The following EPM2AIP1 variants were observed in gnomAD, a reference collection of about 807,000 sequenced individuals.
The protein encoded by EPM2AIP1 is EPM2A-interacting protein 1.
Under a neutral mutation model 44.8 loss-of-function variants are expected in EPM2AIP1, and 23 were observed. The observed-to-expected ratio is 0.51, with a 90% CI of 0.37 to 0.73. EPM2AIP1 has a LOEUF of 0.73. Among genes scored for constraint, EPM2AIP1 ranks in the 30% least tolerant of loss-of-function variants. The pLI is 0.00. For synonymous variants in EPM2AIP1, 311 were observed against 284.3 expected (o/e 1.09, Z -0.94); for missense variants, 652 against 743.9 (o/e 0.88, Z 1.44).
rs150581233 is a variant in EPM2AIP1 at position 36,989,133 on chromosome 3, C to T, written c.*2121G>A. ...AATTTTATTAACACCTTAAGCAAAA[C>T]ATACTGGAATTTCACAAAATGTACA... On this transcript the variant is annotated 3_prime_UTR_variant, in exon 1 of 1. Transcript: ENST00000322716. 6 of 151,904 alleles carry T rather than the reference C, an allele frequency of 3.9e-5. No homozygotes were observed. In the East Asian group the frequency reaches 9.7e-4, roughly 24 times the overall value. The allele number at this position is 151,904 out of a possible 1,614,324, so 9.4% of individuals were successfully genotyped here.
chr3:36,990,817 GC>G lies in EPM2AIP1; in HGVS notation c.*436del. ...TTCCTTTTTGGAAACTTATGAACTT[GC>G]TATGTGAGCTTCTGCAAATTGGTTC... On this transcript the variant is annotated 3_prime_UTR_variant, in exon 1 of 1. Coordinates refer to ENST00000322716, the MANE Select transcript of EPM2AIP1 (RefSeq NM_014805.4). 2.0e-6 allele frequency: 2 copies of G among 986,146 alleles called. No individual in the cohort carries two copies. Among genetic ancestry groups the G allele is most frequent in the Non-Finnish European group, 2.4e-6 (2 of 830,394 alleles). 61.1% of individuals were successfully genotyped at this position (986,146 alleles called of 1,614,324 possible). A position where few individuals can be genotyped will look rare whatever the true frequency, so the allele number is the denominator to read the frequency against.
Position 36,992,180 on chromosome 3 carries a change from T to C in EPM2AIP1, c.898A>G (p.Thr300Ala). The C allele has an allele frequency of 6.2e-7, 1 of 1,613,984 alleles. No individual in the cohort carries two copies. The highest frequency in any genetic ancestry group is 8.5e-7 in the Non-Finnish European group (1 of 1,179,852). The change falls in exon 1 of 1, where the codon ACC (threonine) becomes GCC (alanine). Residue 300 changes from threonine (T) to alanine (A), a missense_variant. Coordinates refer to ENST00000322716, the MANE Select transcript of EPM2AIP1 (RefSeq NM_014805.4). The surrounding 1 kb of genome is among the most constrained non-coding windows in gnomAD (Gnocchi z 5.3). ...YDVDVNQIIN[T>A]ISEWIVLIKT... ...ATCAAAACTATCCATTCGGATATGGTATTTATGATCTGATTAACATCTACA... is the reference window on the plus strand; with the variant it reads ...ATCAAAACTATCCATTCGGATATGGCATTTATGATCTGATTAACATCTACA...
rs1228597204 is a variant in EPM2AIP1, at chr3:36,991,718, T to C, written c.1360A>G (p.Ile454Val). Residue 454 changes from isoleucine to valine, a missense_variant, in exon 1 of 1, where the codon ATA (isoleucine) becomes GTA (valine). Transcript: ENST00000322716. ...LKQQNKEDEKIFDPDRYQMVI... is the reference protein window; with the variant it reads ...LKQQNKEDEKVFDPDRYQMVI... The stretch of plus-strand genomic sequence containing the variant: ...ATTTGATACCTATCAGGATCAAATA[T>C]TTTTTCATCTTCCTTATTTTGCTGT... The C allele has an allele frequency of 1.9e-6, 3 of 1,613,564 alleles. No individual in the cohort carries two copies. In the Admixed American group the frequency reaches 5.0e-5, roughly 27 times the overall value.
chr3:36,988,987 C>CTTTTTT lies in EPM2AIP1; in HGVS notation c.*2261_*2266dup, dbSNP rs71091694. 32 of 114,994 alleles carry CTTTTTT rather than the reference C, an allele frequency of 2.8e-4. No homozygotes were observed. The highest frequency in any genetic ancestry group is 1.3e-3 in the East Asian group (5 of 3,828). 7.1% of individuals were successfully genotyped at this position (114,994 alleles called of 1,614,324 possible). ...CAGTAAAATACACTTTTTTCTTTTT[C>CTTTTTT]TTTTTTTTTTTTTTTTTTTACAAAC... On this transcript the variant is annotated 3_prime_UTR_variant, in exon 1 of 1. Transcript: ENST00000322716.
rs1037909345 is a variant in EPM2AIP1, at chr3:36,987,363, T to C, written c.*3891A>G. 3.8e-4 allele frequency: 57 copies of C among 151,976 alleles called. No individual in the cohort carries two copies. The highest frequency in any genetic ancestry group is 1.2e-3 in the African/African-American group (48 of 41,350). The allele number at this position is 151,976 out of a possible 1,614,324, so 9.4% of individuals were successfully genotyped here. On this transcript the variant is annotated 3_prime_UTR_variant, in exon 1 of 1. Coordinates refer to ENST00000322716, the MANE Select transcript of EPM2AIP1 (RefSeq NM_014805.4). ...CTAAATGTAACATTTAGTAAAAACATATTGTTTTAGTTCACTAAGTAGTTG... is the reference window on the plus strand; with the variant it reads ...CTAAATGTAACATTTAGTAAAAACACATTGTTTTAGTTCACTAAGTAGTTG...
rs745511001 is a variant in EPM2AIP1, at chr3:36,990,422, G to A, written c.*832C>T. ...CTTTTTTCCTCATCGTTTTTGATAGGGCCAAACTTGTGTCTACAGTAAAAA... is the reference window on the plus strand; with the variant it reads ...CTTTTTTCCTCATCGTTTTTGATAGAGCCAAACTTGTGTCTACAGTAAAAA... On this transcript the variant is annotated 3_prime_UTR_variant, in exon 1 of 1. Coordinates refer to ENST00000322716, the MANE Select transcript of EPM2AIP1 (RefSeq NM_014805.4). 2 of 982,712 alleles carry A rather than the reference G, an allele frequency of 2.0e-6. No homozygotes were observed. Among genetic ancestry groups the A allele is most frequent in the Non-Finnish European group, 2.4e-6 (2 of 829,184 alleles). The allele number at this position is 982,712 out of a possible 1,614,324, so 60.9% of individuals were successfully genotyped here.
At position 36,993,093 on chromosome 3, in the gene EPM2AIP1, A is replaced by G. The variant is rs765275127; in HGVS notation, c.-16T>C. 3.0e-5 allele frequency: 47 copies of G among 1,590,460 alleles called. No homozygotes were observed. The highest frequency in any genetic ancestry group is 1.0e-4 in the Admixed American group (6 of 57,974). Reference sequence around the variant, plus strand: ...TCATCCACATTCTGCGGGAGGCCACAAGAGCAGGGCCAACGTTAGAAAGGC... The same window carrying G: ...TCATCCACATTCTGCGGGAGGCCACGAGAGCAGGGCCAACGTTAGAAAGGC... On this transcript the variant is annotated 5_prime_UTR_variant, in exon 1 of 1. Coordinates refer to ENST00000322716, the MANE Select transcript of EPM2AIP1 (RefSeq NM_014805.4).
Position 36,986,210 on chromosome 3 carries a change from C to A in EPM2AIP1, c.*5044G>T, listed in dbSNP as rs2080768388. ...AGGTGAAACTGCCCCTTGAGATAAC[C>A]TGAAAGGCAGATCATCTACCCTTTA... On this transcript the variant is annotated 3_prime_UTR_variant, in exon 1 of 1. Transcript: ENST00000322716. The A allele has an allele frequency of 6.6e-6, 1 of 152,114 alleles. No homozygotes were observed. 9.4% of individuals were successfully genotyped at this position (152,114 alleles called of 1,614,324 possible). A position where few individuals can be genotyped will look rare whatever the true frequency, so the allele number is the denominator to read the frequency against.
Position 36,992,823 on chromosome 3 carries a change from G to T in EPM2AIP1, c.255C>A (p.Asp85Glu). 1 of 1,612,134 alleles carries T rather than the reference G, an allele frequency of 6.2e-7. No individual in the cohort carries two copies. Among genetic ancestry groups the T allele is most frequent in the East Asian group, 2.2e-5 (1 of 44,878 alleles). Residue 85 changes from aspartate (D) to glutamate (E), a missense_variant, in exon 1 of 1, where the codon GAC becomes GAA. Coordinates refer to ENST00000322716, the MANE Select transcript of EPM2AIP1 (RefSeq NM_014805.4). This position sits in a 1 kb window ranked among gnomAD's most constrained non-coding sequence, Gnocchi z 5.3. ...CAGGAGTGAAGGAGGCCACGGGCAA[G>T]TCGCCCTGACGCAGACGCTCCACCA... ...AALVERLRQG[D>E]LPVASFTPEE... is the part of the protein sequence containing the mutation.
Position 36,988,972 on chromosome 3 carries a change from C to T in EPM2AIP1, c.*2282G>A, listed in dbSNP as rs1434448719. The T allele has an allele frequency of 1.4e-5, 2 of 142,266 alleles. No homozygotes were observed. Among genetic ancestry groups the T allele is most frequent in the East Asian group, 2.0e-4 (1 of 4,942 alleles). 8.8% of individuals were successfully genotyped at this position (142,266 alleles called of 1,614,324 possible). A position where few individuals can be genotyped will look rare whatever the true frequency, so the allele number is the denominator to read the frequency against. On this transcript the variant is annotated 3_prime_UTR_variant, in exon 1 of 1. Transcript: ENST00000322716. ...ACTTAATACAGAAAACAGTAAAATACACTTTTTTCTTTTTCTTTTTTTTTT... is the reference window on the plus strand; with the variant it reads ...ACTTAATACAGAAAACAGTAAAATATACTTTTTTCTTTTTCTTTTTTTTTT...
rs1025909600 is a variant in EPM2AIP1 at position 36,987,151 on chromosome 3, T to C, written c.*4103A>G. The C allele has an allele frequency of 6.6e-6, 1 of 152,556 alleles. No homozygotes were observed. The highest frequency in any genetic ancestry group is 1.5e-5 in the Non-Finnish European group (1 of 68,030). The allele number at this position is 152,556 out of a possible 1,614,324, so 9.5% of individuals were successfully genotyped here. ...TGTAAAAACAAGTGAACTGAATATATAGTGACCAGAAGGGCTGAGTCAGTC... is the reference window on the plus strand; with the variant it reads ...TGTAAAAACAAGTGAACTGAATATACAGTGACCAGAAGGGCTGAGTCAGTC... On this transcript the variant is annotated 3_prime_UTR_variant, in exon 1 of 1. Coordinates refer to ENST00000322716, the MANE Select transcript of EPM2AIP1 (RefSeq NM_014805.4).
At position 36,989,246 on chromosome 3, in the gene EPM2AIP1, G is replaced by A. The variant is rs928901258; in HGVS notation, c.*2008C>T. On this transcript the variant is annotated 3_prime_UTR_variant, in exon 1 of 1. Transcript: ENST00000322716. The stretch of plus-strand genomic sequence containing the variant: ...TTCTCTCAAGTAATAAAGCTCTGCT[G>A]TGAATATTCAAAGCTATTGGGAAAT... The A allele has an allele frequency of 1.3e-5, 2 of 151,020 alleles. No individual in the cohort carries two copies. Among genetic ancestry groups the A allele is most frequent in the Admixed American group, 6.6e-5 (1 of 15,180 alleles). The allele number at this position is 151,020 out of a possible 1,614,324, so 9.4% of individuals were successfully genotyped here. A position where few individuals can be genotyped will look rare whatever the true frequency, so the allele number is the denominator to read the frequency against.
Position 36,991,909 on chromosome 3 carries a change from T to C in EPM2AIP1, c.1169A>G (p.His390Arg). The change falls in exon 1 of 1, where the codon CAC becomes CGC. Residue 390 changes from histidine to arginine, a missense_variant. By Grantham distance (29) the His-to-Arg change is conservative. Coordinates refer to ENST00000322716, the MANE Select transcript of EPM2AIP1 (RefSeq NM_014805.4). ...TAATTCTTCACTGAGTTCTCGAAGGTGTTCCATAATGTCCACCAAGAAGCC... is the reference window on the plus strand; with the variant it reads ...TAATTCTTCACTGAGTTCTCGAAGGCGTTCCATAATGTCCACCAAGAAGCC... ...DFGFLVDIME[H>R]LRELSEELRV... 1 of 1,613,960 alleles carries C rather than the reference T, an allele frequency of 6.2e-7. No individual in the cohort carries two copies. Among genetic ancestry groups the C allele is most frequent in the Non-Finnish European group, 8.5e-7 (1 of 1,179,878 alleles).
chr3:36,991,225 T>C lies in EPM2AIP1; in HGVS notation c.*29A>G. On this transcript the variant is annotated 3_prime_UTR_variant, in exon 1 of 1. Coordinates refer to ENST00000322716, the MANE Select transcript of EPM2AIP1 (RefSeq NM_014805.4). ...TTTGCTTTTAGAATTAAATTCTTGTTGAGTTTTTCAATCTTGTACTACAAA... is the reference window on the plus strand; with the variant it reads ...TTTGCTTTTAGAATTAAATTCTTGTCGAGTTTTTCAATCTTGTACTACAAA... The C allele has an allele frequency of 1.3e-6, 2 of 1,516,514 alleles. No homozygotes were observed. The highest frequency in any genetic ancestry group is 2.3e-5 in the East Asian group (1 of 43,922). The allele number at this position is 1,516,514 out of a possible 1,614,324, so 93.9% of individuals were successfully genotyped here.
rs771957136 is a variant in EPM2AIP1, at chr3:36,992,723, C to A, written c.355G>T (p.Asp119Tyr). The A allele has an allele frequency of 3.1e-6, 5 of 1,613,816 alleles. No homozygotes were observed. In the African/African-American group the frequency reaches 6.7e-5, roughly 22 times the overall value. ...ALKGRGWGEGDFVYQCMEVLL... is the reference protein window; with the variant it reads ...ALKGRGWGEGYFVYQCMEVLL... ...ACCTCCATGCACTGGTATACAAAGT[C>A]CCCCTCACCCCAGCCGCGACCCTTC... The change falls in exon 1 of 1, where the codon GAC becomes TAC. Residue 119 changes from aspartate (D) to tyrosine (Y), a missense_variant. Asp to Tyr is a radical substitution (Grantham distance 160, BLOSUM62 -3). Coordinates refer to ENST00000322716, the MANE Select transcript of EPM2AIP1 (RefSeq NM_014805.4). This position sits in a 1 kb window ranked among gnomAD's most constrained non-coding sequence, Gnocchi z 5.3.
rs1017665678 is a variant in EPM2AIP1 at position 36,987,808 on chromosome 3, G to C, written c.*3446C>G. On this transcript the variant is annotated 3_prime_UTR_variant, in exon 1 of 1. Transcript: ENST00000322716. ...ATGGACAGTCTAAGGCAGAATGACT[G>C]TGAAGGTCAAATAAGACTGTGAAAG... The C allele has an allele frequency of 6.6e-6, 1 of 152,218 alleles. No individual in the cohort carries two copies. The highest frequency in any genetic ancestry group is 6.5e-5 in the Admixed American group (1 of 15,290). 9.4% of individuals were successfully genotyped at this position (152,218 alleles called of 1,614,324 possible). A position where few individuals can be genotyped will look rare whatever the true frequency, so the allele number is the denominator to read the frequency against.
Position 36,990,577 on chromosome 3 carries a change from G to T in EPM2AIP1, c.*677C>A. ...ATCCAAGGAAAACCCCCAATAATTA[G>T]TCTTATCTCCAAATTGCATGAAGTC... On this transcript the variant is annotated 3_prime_UTR_variant, in exon 1 of 1. Coordinates refer to ENST00000322716, the MANE Select transcript of EPM2AIP1 (RefSeq NM_014805.4). 1.0e-6 allele frequency: 1 copy of T among 985,102 alleles called. No homozygotes were observed. The highest frequency in any genetic ancestry group is 4.7e-5 in the South Asian group (1 of 21,264). 61.0% of individuals were successfully genotyped at this position (985,102 alleles called of 1,614,324 possible). A position where few individuals can be genotyped will look rare whatever the true frequency, so the allele number is the denominator to read the frequency against.
At position 36,987,168 on chromosome 3, in the gene EPM2AIP1, G is replaced by A. The variant is rs954989313; in HGVS notation, c.*4086C>T. ...TGAATATATAGTGACCAGAAGGGCT[G>A]AGTCAGTCTTCTACTTTGTTAAATT... On this transcript the variant is annotated 3_prime_UTR_variant, in exon 1 of 1. Transcript: ENST00000322716. The A allele has an allele frequency of 6.6e-6, 1 of 152,588 alleles. No homozygotes were observed. Among genetic ancestry groups the A allele is most frequent in the East Asian group, 1.9e-4 (1 of 5,200 alleles). The allele number at this position is 152,588 out of a possible 1,614,324, so 9.5% of individuals were successfully genotyped here.
In EPM2AIP1 at chr3:36,988,313, A is replaced by T. The variant is rs2080781239; in HGVS notation, c.*2941T>A. 6.6e-6 allele frequency: 1 copy of T among 152,184 alleles called. No individual in the cohort carries two copies. Among genetic ancestry groups the T allele is most frequent in the African/African-American group, 2.4e-5 (1 of 41,440 alleles). 9.4% of individuals were successfully genotyped at this position (152,184 alleles called of 1,614,324 possible). On this transcript the variant is annotated 3_prime_UTR_variant, in exon 1 of 1. Transcript: ENST00000322716. Reference sequence around the variant, plus strand: ...CTGAATTAAAATGGCAGCATTGGAGAATTGGTAAAAAGGACAAATGAATGG... The same window carrying T: ...CTGAATTAAAATGGCAGCATTGGAGTATTGGTAAAAAGGACAAATGAATGG...
Sources: allele counts gnomAD v4.1 joint callset, GRCh38; gene constraint gnomAD v4.1.1; non-coding constraint Gnocchi (gnomAD v3.1); transcripts MANE v1.5; gene names NCBI Gene and HGNC (gene_info 2026-07-23, HGNC 2026-07-21).